PRKDC: variants seen among roughly 807,000 people sequenced by gnomAD.
PRKDC encodes the protein protein kinase, DNA-activated, catalytic subunit.
Under a neutral mutation model 486.9 loss-of-function variants are expected in PRKDC, and 82 were observed. That is an observed-to-expected ratio of 0.17 (90% confidence interval 0.14 to 0.20). The LOEUF (loss-of-function observed/expected upper bound fraction) is 0.20. Among genes scored for constraint, PRKDC ranks in the 10% least tolerant of loss-of-function variants. The pLI is 1.00. For missense variants in PRKDC, 4,504 were observed against 5,038.2 expected, an observed-to-expected ratio of 0.89 and a Z score of 3.21; for synonymous variants, 1,895 against 1,837.0, an observed-to-expected ratio of 1.03 and a Z score of -0.81.
chr8:47,787,492 A>G (rs2086810200), intron 76 of PRKDC, among the ~76,000 whole-genome samples: 1 of 152,264 alleles, frequency 6.6e-6, no homozygotes, highest in South Asian at 2.1e-4. Context: ...TTGGTAGATT[A>G]TTCTTTGAAC....
At chr8:47,839,976 C>T in intron 55 of PRKDC, 40 bp downstream of exon 55, 1 of 1,476,642 alleles carries the variant, frequency 6.8e-7, no homozygotes, top group Non-Finnish European at 9.1e-7. Flanking sequence ...GACCTTATCT[C>T]AAAAAAGTAA....
At chr8:47,860,546 T>A (rs2088653393) in intron 45 of PRKDC, among the ~76,000 whole-genome samples, 1 of 152,194 alleles carries the variant, frequency 6.6e-6, no homozygotes, top group Admixed American at 6.5e-5. Flanking sequence ...AGGACTTGTA[T>A]TCTAATGTAG....
chr8:47,840,066 T>C lies in PRKDC; in HGVS notation c.7404A>G (p.Thr2468=), dbSNP rs2154499865. The change falls in exon 55 of 86, where the codon ACA becomes ACG. Residue 2468 remains threonine, a synonymous_variant. Transcript: ENST00000314191. ...GAATATTATACATTTGTTCCCTACATGTTGTAGAAGGATGGGAAACGAATT... is the reference window on the plus strand; with the variant it reads ...GAATATTATACATTTGTTCCCTACACGTTGTAGAAGGATGGGAAACGAATT... ...VVEFVSHPST[T]CREQMYNILM... 1 of 1,561,664 alleles carries C rather than the reference T, an allele frequency of 6.4e-7. No individual in the cohort carries two copies. The highest frequency in any genetic ancestry group is 2.3e-5 in the East Asian group (1 of 42,934).
intron 37 of PRKDC, 133 bp downstream of exon 37, chr8:47,881,779 C>A: frequency 1.3e-6 from 1 of 796,138 alleles, no homozygotes; most frequent in African/African-American, 1.8e-5. Flanking sequence ...TAAATATAAG[C>A]AACCATCCTG....
chr8:47,786,593 T>G (rs891607715), intron 76 of PRKDC, among the ~76,000 whole-genome samples: 140 of 152,166 alleles, frequency 9.2e-4, no homozygotes, highest in African/African-American at 3.3e-3. Context: ...AAGGAAGTAG[T>G]TCAATAGAAA....
chr8:47,914,039 C>A lies in PRKDC; in HGVS notation c.2643G>T (p.Lys881Asn). The A allele has an allele frequency of 6.4e-7, 1 of 1,557,532 alleles. No homozygotes were observed. The highest frequency in any genetic ancestry group is 8.7e-7 in the Non-Finnish European group (1 of 1,153,838). Residue 881 changes from lysine (K) to asparagine (N), a missense_variant, in exon 24 of 86, where the codon AAG (lysine) becomes AAT (asparagine). By Grantham distance (94) the Lys-to-Asn change is moderately conservative (BLOSUM62 0). Transcript: ENST00000314191. ...LTVTSSDEMM[K>N]SYVAWDREKR... ...TCTCTCTGTCCCAGGCCACATAGCT[C>A]TTCATCATCTCATCTGAGGACGTGA...
intron 73 of PRKDC, among the ~76,000 whole-genome samples, chr8:47,796,959 T>C (rs1476969201): frequency 2.0e-5 from 3 of 152,234 alleles, no homozygotes; most frequent in Non-Finnish European, 4.4e-5. Context: ...TTTTCCTTCA[T>C]GGATTCTGGT....
At chr8:47,870,751 T>C (rs1475760091) in intron 40 of PRKDC, among the ~76,000 whole-genome samples, 1 of 151,934 alleles carries the variant, frequency 6.6e-6, no homozygotes, top group African/African-American at 2.4e-5. Context: ...CCAACACCAA[T>C]CCAAGAGAGA....
At position 47,799,308 on chromosome 8, in the gene PRKDC, G is replaced by A. The variant is rs1423732512; in HGVS notation, c.10199C>T (p.Ser3400Phe). The change falls in exon 72 of 86, where the codon TCC (serine) becomes TTC (phenylalanine). Residue 3400 changes from serine to phenylalanine, a missense_variant. Transcript: ENST00000314191. ...QAAEEEAQPP[S>F]WSCGPAAGVI... ...CCCAGCTGCAGGCCCACAGCTCCAG[G>A]AGGGAGGCTGGGCCTCCTCCTCAGC... The A allele has an allele frequency of 2.5e-6, 4 of 1,613,190 alleles. No individual in the cohort carries two copies. The highest frequency in any genetic ancestry group is 1.7e-5 in the Admixed American group (1 of 59,978).
At chr8:47,933,246 A>G in intron 15 of PRKDC, 74 bp from the exon 16 acceptor site, 5 of 1,197,856 alleles carry the variant, frequency 4.2e-6, no homozygotes, top group Non-Finnish European at 5.6e-6. Flanking sequence ...GCATTAAGAC[A>G]CATACACAGA....
chr8:47,878,178 C>G (rs1185212214), intron 39 of PRKDC, among the ~76,000 whole-genome samples: 3 of 149,134 alleles, frequency 2.0e-5, no homozygotes, highest in Non-Finnish European at 4.4e-5. Flanking sequence ...GATCTCGGCT[C>G]ACTGCAAACT....
In PRKDC at chr8:47,854,097, G is replaced by A. The variant is rs1406058012; in HGVS notation, c.6879C>T (p.Gly2293=). 2 of 1,613,910 alleles carry A rather than the reference G, an allele frequency of 1.2e-6. No individual in the cohort carries two copies. Among genetic ancestry groups the A allele is most frequent in the Non-Finnish European group, 8.5e-7 (1 of 1,179,850 alleles). Residue 2293 remains glycine, a synonymous_variant, in exon 51 of 86, where the codon GGC becomes GGT. Coordinates refer to ENST00000314191, the MANE Select transcript of PRKDC (RefSeq NM_006904.7). ...NDLPPYDPQC[G]IQSSEYFQAL... ...CAAACACGTACTCGCTACTCTGGAT[G>A]CCACACTGTGGGTCATAGGGAGGCA... is the stretch of plus-strand genomic sequence containing the variant.
At chr8:47,830,350 TGATAAATAAC>T (rs996504144) in intron 61 of PRKDC, among the ~76,000 whole-genome samples, 7 of 152,310 alleles carry the variant, frequency 4.6e-5, no homozygotes, top group African/African-American at 1.4e-4. Flanking sequence ...GTGGTAATCC[TGATAAATAAC>T]GATAAATAAC....
chr8:47,784,045 T>G (rs923601929), intron 77 of PRKDC: 2 of 469,558 alleles, frequency 4.3e-6, no homozygotes, highest in Admixed American at 3.4e-5. Context: ...GATCATGAGG[T>G]CAGGAGACAG....
chr8:47,948,589 A>G (rs1242942105), intron 7 of PRKDC, among the ~76,000 whole-genome samples: 1 of 150,608 alleles, frequency 6.6e-6, no homozygotes, highest in Non-Finnish European at 1.5e-5. Flanking sequence ...CCTCCTGAGT[A>G]GCTGGGATTA....
intron 74 of PRKDC, 112 bp downstream of exon 74, chr8:47,794,178 A>G (rs562418077): frequency 2.3e-6 from 2 of 870,848 alleles, no homozygotes; most frequent in South Asian, 3.6e-5. Flanking sequence ...TTATTCTTCA[A>G]TGACAACTCT....
In PRKDC at chr8:47,943,268, G is replaced by C; in HGVS notation, c.907C>G (p.His303Asp). Reference protein sequence around the residue: ...LFEVLLKWCAHTNVELKKAAL... With the variant: ...LFEVLLKWCADTNVELKKAAL... ...GCTTTTTTCAATTCTACATTTGTGT[G>C]GGCACACCACTTTAACAAGACTTCA... Residue 303 changes from histidine (H) to aspartate (D), a missense_variant, in exon 10 of 86, where the codon CAC becomes GAC. Around this residue, in one of 6 missense-constraint regions of PRKDC, gnomAD observed 1,969 missense variants for 2,068.9 expected, o/e 0.95. Transcript: ENST00000314191. 6.2e-7 allele frequency: 1 copy of C among 1,613,036 alleles called. No individual in the cohort carries two copies. The highest frequency in any genetic ancestry group is 8.5e-7 in the Non-Finnish European group (1 of 1,179,458).
chr8:47,801,858 G>A (rs1563741940), intron 70 of PRKDC, among the ~76,000 whole-genome samples: 3 of 152,244 alleles, frequency 2.0e-5, no homozygotes. Flanking sequence ...CCCATGATGT[G>A]ACAGTTCTCT....
At position 47,775,360 on chromosome 8, in the gene PRKDC, G is replaced by C. The variant is rs532878764; in HGVS notation, c.12183-983C>G. On this transcript the variant is annotated intron_variant, in intron 85 of 85. Transcript: ENST00000314191. ...AAAGAAATGTCAGTTCAAGTCTTTT[G>C]ACCATTTTTTTTTTTTTTTTTTTTT... Among the ~76,000 whole-genome samples the C allele has an allele frequency of 4.0e-3, 563 of 141,082 alleles. 4 individuals are homozygous for C. The highest frequency in any genetic ancestry group is 0.025 in the South Asian group (110 of 4,470). The allele number at this position is 141,082 out of a possible 152,430, so 92.6% of individuals were successfully genotyped here.
Sources: gnomAD v4.1 joint callset for allele counts (sites outside exome capture counted in the v4.1 genomes callset) on GRCh38, gnomAD v4.1.1 for gene constraint, gnomAD v4.1.1 regional missense constraint, MANE v1.5 for transcripts, NCBI Gene and HGNC (gene_info 2026-07-23, HGNC 2026-07-21) for gene names.